Variants in SGCD observed in about 807,000 individuals in gnomAD.
SGCD encodes sarcoglycan delta.
A neutral mutation model predicts 36.6 loss-of-function variants in SGCD; 18 were observed. The ratio of observed to expected loss-of-function variants is 0.49; its 90% CI spans 0.34 to 0.73. The LOEUF (loss-of-function observed/expected upper bound fraction) is 0.73, where lower values mean the gene tolerates loss of function less well. Among genes scored for constraint, SGCD ranks in the 30% least tolerant of loss-of-function variants. The probability of loss-of-function intolerance (pLI) is 0.01; values close to 1 mark genes in which losing one functional copy is unlikely to be tolerated. For synonymous variants in SGCD, 133 were observed against 130.6 expected, an observed-to-expected ratio of 1.02 and a Z score of -0.12; for missense variants, 387 against 346.7, an observed-to-expected ratio of 1.12 and a Z score of -0.92.
intron 1 of SGCD, among the ~76,000 whole-genome samples, chr5:155,993,201 G>T (rs190952639): frequency 6.6e-6 from 1 of 152,176 alleles, no homozygotes; most frequent in African/African-American, 2.4e-5. Context: ...GAACATTCCT[G>T]CATGGCCCCC....
Position 156,594,925 on chromosome 5 carries a change from C to T in SGCD, c.383-7C>T, listed in dbSNP as rs1485320081. On this transcript the variant is annotated splice_polypyrimidine_tract_variant and splice_region_variant and intron_variant, in intron 5 of 8. Coordinates refer to ENST00000337851, the MANE Select transcript of SGCD (RefSeq NM_000337.6). ...TCTCTATCTCTCTATCTCTCTATAT[C>T]TCTCAGGTCCAAAAGCCGTAGAAGC... 1 of 1,580,640 alleles carries T rather than the reference C, an allele frequency of 6.3e-7. No homozygotes were observed. Among genetic ancestry groups the T allele is most frequent in the Admixed American group, 1.7e-5 (1 of 58,296 alleles).
intron 7 of SGCD, among the ~76,000 whole-genome samples, chr5:156,727,133 T>A (rs466781): frequency 0.82 from 124,766 of 152,092 alleles, 51,700 homozygotes; most frequent in East Asian, 0.91. Context: ...CTCTAAACAC[T>A]GCAAGTTGGG....
the SGCD span, among the ~76,000 whole-genome samples, chr5:155,849,441 C>T: frequency 7.4e-5 from 11 of 148,736 alleles, no homozygotes; most frequent in East Asian, 2.0e-4. Context: ...CACACATGTG[C>T]GCGCGCACAC....
Position 156,699,590 on chromosome 5 carries a change from T to C in SGCD, c.575+52054T>C, listed in dbSNP as rs148159415. Reference sequence around the variant, plus strand: ...CTTGTTCTTCTCAAACAAAGGACTATTGTTTTTGATTTTTCTAAATTTCCT... The same window carrying C: ...CTTGTTCTTCTCAAACAAAGGACTACTGTTTTTGATTTTTCTAAATTTCCT... On this transcript the variant is annotated intron_variant, in intron 7 of 8. Coordinates refer to ENST00000337851, the MANE Select transcript of SGCD (RefSeq NM_000337.6). Among the ~76,000 whole-genome samples the C allele has an allele frequency of 2.6e-5, 4 of 152,298 alleles. No homozygotes were observed. The East Asian group carries it at 7.7e-4, about 29-fold the overall frequency.
intron 1 of SGCD, among the ~76,000 whole-genome samples, chr5:156,070,097 C>G (rs1441914400): frequency 1.3e-5 from 2 of 150,090 alleles, no homozygotes; most frequent in Non-Finnish European, 2.9e-5. Flanking sequence ...TTGACTTCCT[C>G]TTTTCCTAAT....
intron 3 of SGCD, among the ~76,000 whole-genome samples, chr5:156,259,114 G>GTTTATTTATTTATTTA (rs561763416): frequency 7.4e-4 from 109 of 146,768 alleles, no homozygotes; most frequent in African/African-American, 1.4e-3. Context: ...AACACTGGCT[G>GTTTATTTATTTATTTA]TTTATTTATT....
intron 7 of SGCD, among the ~76,000 whole-genome samples, chr5:156,709,858 GC>G (rs1754910239): frequency 1.4e-5 from 1 of 73,838 alleles, no homozygotes; most frequent in South Asian, 4.7e-4. Context: ...CCACCCTCCC[GC>G]CCCCTACTCT....
At chr5:156,018,352 C>T (rs1759029659) in intron 1 of SGCD, among the ~76,000 whole-genome samples, 2 of 152,102 alleles carry the variant, frequency 1.3e-5, no homozygotes, top group Non-Finnish European at 2.9e-5. Flanking sequence ...TACACTATCC[C>T]ATATTATGTC....
chr5:156,392,034 G>T (rs951317511), intron 3 of SGCD, among the ~76,000 whole-genome samples: 1 of 152,200 alleles, frequency 6.6e-6, no homozygotes, highest in Non-Finnish European at 1.5e-5. Context: ...TACGTATATT[G>T]AATGTATTAG....
chr5:156,676,084 A>C (rs1449237681), intron 7 of SGCD, among the ~76,000 whole-genome samples: 1 of 152,238 alleles, frequency 6.6e-6, no homozygotes, highest in East Asian at 1.9e-4. Flanking sequence ...TTAATTTTTC[A>C]AATGGAATAT....
intron 3 of SGCD, among the ~76,000 whole-genome samples, chr5:156,251,663 C>G (rs546038955): frequency 4.6e-5 from 7 of 151,758 alleles, no homozygotes; most frequent in African/African-American, 1.7e-4. Context: ...TACAGGCACC[C>G]GCCACCACAC....
intron 1 of SGCD, among the ~76,000 whole-genome samples, chr5:155,900,925 A>G (rs1756374908): frequency 1.3e-5 from 2 of 152,146 alleles, no homozygotes; most frequent in South Asian, 2.1e-4. Flanking sequence ...AAGGTAATGA[A>G]CGTATTTATC....
intron 3 of SGCD, among the ~76,000 whole-genome samples, chr5:156,147,766 A>T (rs913694391): frequency 6.6e-6 from 1 of 152,216 alleles, no homozygotes; most frequent in Admixed American, 6.5e-5. Context: ...CCAATAAATA[A>T]CTGGGAGAAA....
chr5:155,909,788 A>G (rs1756594556), intron 1 of SGCD, among the ~76,000 whole-genome samples: 7 of 152,166 alleles, frequency 4.6e-5, no homozygotes, highest in Admixed American at 3.9e-4. Flanking sequence ...TGGACACAGA[A>G]CATTCTAAAC....
intron 3 of SGCD, among the ~76,000 whole-genome samples, chr5:156,310,911 T>C (rs1009220142): frequency 1.3e-5 from 2 of 152,190 alleles, no homozygotes; most frequent in African/African-American, 4.8e-5. Flanking sequence ...TTGGAAAGCA[T>C]ACCAGGGGAC....
chr5:155,747,784 T>C, the SGCD span, among the ~76,000 whole-genome samples: 7 of 152,158 alleles, frequency 4.6e-5, no homozygotes, highest in African/African-American at 1.7e-4. Context: ...CCTCCCCCCT[T>C]ATCTGTCTTG....
chr5:156,458,945 T>C (rs1016726449), intron 3 of SGCD, among the ~76,000 whole-genome samples: 3 of 152,176 alleles, frequency 2.0e-5, no homozygotes, highest in Non-Finnish European at 2.9e-5. Context: ...TAAAGATAGG[T>C]TTCTTTTTTA....
chr5:155,783,836 T>C, the SGCD span, among the ~76,000 whole-genome samples: 1 of 152,146 alleles, frequency 6.6e-6, no homozygotes, highest in Admixed American at 6.5e-5. Context: ...TATGTGGTAG[T>C]AACAAAGCTA....
intron 6 of SGCD, among the ~76,000 whole-genome samples, chr5:156,608,496 G>A (rs1446211416): frequency 1.3e-5 from 2 of 152,194 alleles, no homozygotes; most frequent in African/African-American, 2.4e-5. Flanking sequence ...GGTGTGGTGT[G>A]GTTCTGAGAA....
Sources: allele counts gnomAD v4.1 joint callset (sites outside exome capture counted in the v4.1 genomes callset), GRCh38; gene constraint gnomAD v4.1.1; transcripts MANE v1.5; gene names NCBI Gene and HGNC (gene_info 2026-07-23, HGNC 2026-07-21).